Variants in PLAA observed in about 807,000 individuals in gnomAD.
The protein encoded by PLAA is phospholipase A2 activating protein.
PLAA carries 48 observed loss-of-function variants against 84.1 expected under a neutral mutation model. The ratio of observed to expected loss-of-function variants is 0.57; its 90% CI spans 0.45 to 0.73. PLAA has a LOEUF of 0.73. PLAA is among the 30% of genes least tolerant of loss of function. The pLI is 0.00. For missense variants in PLAA, 903 were observed against 954.7 expected (o/e 0.95, Z 0.71); for synonymous variants, 392 against 336.6 (o/e 1.16, Z -1.80).
intron 1 of PLAA, among the ~76,000 whole-genome samples, chr9:26,945,930 T>C (rs1825685029): frequency 6.6e-6 from 1 of 152,252 alleles, no homozygotes; most frequent in Non-Finnish European, 1.5e-5. Context: ...TTTCTTCACA[T>C]GCCAGTTTTT....
At position 26,919,541 on chromosome 9, in the gene PLAA, A is replaced by G; in HGVS notation, c.1198-12T>C. ...ACATAATCAAATTCCTAAAGTAGGA[A>G]TATAAAAAGGAGATACATGCTTATT... is the stretch of plus-strand genomic sequence containing the variant. On this transcript the variant is annotated splice_polypyrimidine_tract_variant and intron_variant, in intron 8 of 13. Transcript: ENST00000397292. 7.0e-7 allele frequency: 1 copy of G among 1,427,288 alleles called. No homozygotes were observed. Among genetic ancestry groups the G allele is most frequent in the Non-Finnish European group, 9.9e-7 (1 of 1,012,822 alleles). 88.4% of individuals were successfully genotyped at this position (1,427,288 alleles called of 1,614,324 possible).
At position 26,928,498 on chromosome 9, in the gene PLAA, C is replaced by G. The variant is rs1825055408; in HGVS notation, c.344-90G>C. The G allele has an allele frequency of 1.1e-5, 10 of 898,200 alleles. No individual in the cohort carries two copies. The Admixed American group carries it at 1.9e-4, about 17-fold the overall frequency. The allele number at this position is 898,200 out of a possible 1,614,324, so 55.6% of individuals were successfully genotyped here. The stretch of plus-strand genomic sequence containing the variant: ...CTAAAGCATTCCAATTTTAAAAACA[C>G]TCTTTGAAGTGGCAGTATCTTAGCT... On this transcript the variant is annotated intron_variant, in intron 2 of 13. Transcript: ENST00000397292.
chr9:26,920,398 T>G lies in PLAA; in HGVS notation c.1040-14A>C, dbSNP rs975804413. ...CTTCTCTAGTACCTTAAAATAAAAA[T>G]TTTAAGAATCAAAGGTAGAATGGCA... On this transcript the variant is annotated splice_polypyrimidine_tract_variant and intron_variant, in intron 7 of 13. Transcript: ENST00000397292. The G allele has an allele frequency of 6.4e-7, 1 of 1,558,106 alleles. No individual in the cohort carries two copies. The highest frequency in any genetic ancestry group is 8.7e-7 in the Non-Finnish European group (1 of 1,147,996).
intron 9 of PLAA, among the ~76,000 whole-genome samples, chr9:26,918,105 T>A (rs1006819887): frequency 4.0e-5 from 6 of 151,800 alleles, no homozygotes; most frequent in African/African-American, 1.5e-4. Context: ...TTTGATAATT[T>A]TTTTTAAAAT....
intron 4 of PLAA, among the ~76,000 whole-genome samples, chr9:26,927,127 C>CTTTCTTTTT (rs1554659723): frequency 7.3e-6 from 1 of 136,784 alleles, no homozygotes; most frequent in Non-Finnish European, 1.5e-5. Context: ...TTTTGTTTTT[C>CTTTCTTTTT]TTTTTTTTTT....
intron 10 of PLAA, chr9:26,916,536 G>T: frequency 2.7e-5 from 27 of 986,948 alleles, no homozygotes; most frequent in Non-Finnish European, 3.1e-5. Flanking sequence ...TGGGTAGTTG[G>T]GTGGAATGTC....
intron 11 of PLAA, among the ~76,000 whole-genome samples, chr9:26,911,943 T>G (rs1050989567): frequency 4.6e-5 from 7 of 152,198 alleles, no homozygotes; most frequent in African/African-American, 9.6e-5. Flanking sequence ...ACAATAAATT[T>G]TTCTTGACAT....
At chr9:26,944,231 C>T (rs1270613424) in intron 1 of PLAA, among the ~76,000 whole-genome samples, 1 of 152,120 alleles carries the variant, frequency 6.6e-6, no homozygotes, top group Non-Finnish European at 1.5e-5. Context: ...AGCAAAGAGG[C>T]CCTCTCAAGA....
Position 26,907,957 on chromosome 9 carries a change from TCTTC to T in PLAA, c.1695_1698del (p.Lys566SerfsTer2). The T allele has an allele frequency of 6.2e-7, 1 of 1,608,170 alleles. No homozygotes were observed. The highest frequency in any genetic ancestry group is 8.5e-7 in the Non-Finnish European group (1 of 1,178,628). On this transcript the variant is annotated frameshift_variant, in exon 13 of 14. Coordinates refer to ENST00000397292, the MANE Select transcript of PLAA (RefSeq NM_001031689.3). LOFTEE classifies it high-confidence loss of function. ...AGTATCAAGTCATCCTCAGTTAACTTCTTCTCTTCAGGTGCAGTTCCATTAAGTT... is the reference window on the plus strand; with the variant it reads ...AGTATCAAGTCATCCTCAGTTAACTTTCTTCAGGTGCAGTTCCATTAAGTT...
intron 13 of PLAA, 42 bp from the exon 14 acceptor site, chr9:26,906,118 A>G: frequency 7.8e-7 from 1 of 1,287,854 alleles, no homozygotes; most frequent in Non-Finnish European, 1.0e-6. Context: ...GAAAATAAAG[A>G]AAATTTCTTT....
chr9:26,914,599 T>G (rs1824494187), intron 10 of PLAA, among the ~76,000 whole-genome samples: 2 of 150,382 alleles, frequency 1.3e-5, no homozygotes, highest in Admixed American at 1.3e-4. Flanking sequence ...AAAAGTAAGA[T>G]TAATTAAAAT....
rs1824185625 is a variant in PLAA, at chr9:26,905,063, AAAG to A, written c.*445_*447del. On this transcript the variant is annotated 3_prime_UTR_variant, in exon 14 of 14. Transcript: ENST00000397292. The stretch of plus-strand genomic sequence containing the variant: ...AATTTAATATAATTTAAAAAATTTT[AAAG>A]TAGTTATCCTAAAACAAGACCTTGA... 6.6e-6 allele frequency: 1 copy of A among 152,420 alleles called. No homozygotes were observed. Among genetic ancestry groups the A allele is most frequent in the South Asian group, 2.1e-4 (1 of 4,830 alleles). 9.4% of individuals were successfully genotyped at this position (152,420 alleles called of 1,614,324 possible). A position where few individuals can be genotyped will look rare whatever the true frequency, so the allele number is the denominator to read the frequency against.
rs1554661546 is a variant in PLAA, at chr9:26,941,169, A to AAAC, written c.149+5727_149+5728insGTT. 7.0e-4 allele frequency among the ~76,000 whole-genome samples: 102 copies of AAAC among 144,804 alleles called. 1 individual carries two copies. The highest frequency in any genetic ancestry group is 3.6e-3 in the Middle Eastern group (1 of 276). 95.0% of individuals were successfully genotyped at this position (144,804 alleles called of 152,430 possible). A position where few individuals can be genotyped will look rare whatever the true frequency, so the allele number is the denominator to read the frequency against. On this transcript the variant is annotated intron_variant, in intron 1 of 13. Coordinates refer to ENST00000397292, the MANE Select transcript of PLAA (RefSeq NM_001031689.3). ...AAGGTATTAAGACAAAAAAAAAAACAAAAACAAAACACGGGGGGTGGGGGA... is the reference window on the plus strand; with the variant it reads ...AAGGTATTAAGACAAAAAAAAAAACAAACAAAACAAAACACGGGGGGTGGGGGA...
intron 9 of PLAA, among the ~76,000 whole-genome samples, chr9:26,918,895 C>T (rs747459881): frequency 2.0e-5 from 3 of 151,846 alleles, no homozygotes; most frequent in Non-Finnish European, 2.9e-5. Context: ...TTAAAATGAA[C>T]GTGTAGAATA....
chr9:26,914,775 G>A (rs1331751360), intron 10 of PLAA, among the ~76,000 whole-genome samples: 1 of 152,130 alleles, frequency 6.6e-6, no homozygotes, highest in African/African-American at 2.4e-5. Context: ...CTGTTAAAAG[G>A]TAAAGTACAC....
intron 10 of PLAA, 104 bp from the exon 11 acceptor site, chr9:26,914,051 T>C: frequency 1.3e-6 from 1 of 784,270 alleles, no homozygotes; most frequent in East Asian, 2.5e-5. Flanking sequence ...CACAATGGCG[T>C]CATTATATAC....
At chr9:26,928,613 G>A (rs1023743606) in intron 2 of PLAA, among the ~76,000 whole-genome samples, 2 of 152,232 alleles carry the variant, frequency 1.3e-5, no homozygotes, top group African/African-American at 2.4e-5. Context: ...AGGCCTAGCT[G>A]TGCCACTTAC....
chr9:26,927,615 C>A (rs1243730676), intron 4 of PLAA, among the ~76,000 whole-genome samples: 1 of 152,078 alleles, frequency 6.6e-6, no homozygotes, highest in East Asian at 1.9e-4. Flanking sequence ...TATTTAATAG[C>A]TGGGGTTTAA....
Position 26,925,980 on chromosome 9 carries a change from G to C in PLAA, c.734-20C>G. The C allele has an allele frequency of 1.3e-6, 2 of 1,598,090 alleles. No individual in the cohort carries two copies. Among genetic ancestry groups the C allele is most frequent in the Non-Finnish European group, 1.7e-6 (2 of 1,166,010 alleles). On this transcript the variant is annotated intron_variant, in intron 5 of 13. Coordinates refer to ENST00000397292, the MANE Select transcript of PLAA (RefSeq NM_001031689.3). ...CAAAGTCTAAAATTAATGAATATAGGAAGTATTAGTTTGAATAAAATTAAG... is the reference window on the plus strand; with the variant it reads ...CAAAGTCTAAAATTAATGAATATAGCAAGTATTAGTTTGAATAAAATTAAG...
Sources: allele counts gnomAD v4.1 joint callset (sites outside exome capture counted in the v4.1 genomes callset), GRCh38; gene constraint gnomAD v4.1.1; transcripts MANE v1.5; gene names NCBI Gene and HGNC (gene_info 2026-07-23, HGNC 2026-07-21).